TPTE2: variants seen among roughly 807,000 people sequenced by gnomAD.
TPTE2 encodes transmembrane phosphoinositide 3-phosphatase and tensin homolog 2.
In TPTE2, 53 loss-of-function variants were observed where a neutral mutation model predicts 78.6. That is an observed-to-expected ratio of 0.67 (90% CI 0.54 to 0.85). The LOEUF (loss-of-function observed/expected upper bound fraction) is 0.85, where lower values mean the gene tolerates loss of function less well. Ranked by LOEUF, TPTE2 falls within the 40% of genes least tolerant of loss-of-function variation. TPTE2 has a pLI of 0.00. For missense variants in TPTE2, 461 were observed against 623.0 expected (o/e 0.74, Z 2.77); for synonymous variants, 175 against 206.2 (o/e 0.85, Z 1.30).
intron 1 of TPTE2, among the ~76,000 whole-genome samples, chr13:19,498,255 C>G (rs1256224627): frequency 1.3e-5 from 2 of 152,028 alleles, no homozygotes; most frequent in African/African-American, 4.8e-5. Flanking sequence ...CTTCCCCAAT[C>G]TAGCAAGGCA....
In TPTE2 at chr13:19,470,410, A is replaced by G. The variant is rs536461557; in HGVS notation, c.393-3066T>C. Among the ~76,000 whole-genome samples, 12 of 152,242 alleles carry G rather than the reference A, an allele frequency of 7.9e-5. No individual in the cohort carries two copies. The South Asian group carries it at 2.3e-3, about 29-fold the overall frequency. On this transcript the variant is annotated intron_variant, in intron 6 of 19. Coordinates refer to ENST00000400230, the Ensembl canonical transcript of TPTE2. ...TCATGATGAATGATCTTTCCCATAT[A>G]TTGTTGAATTCAGTTTTCCAGTATC...
Position 19,464,138 on chromosome 13 carries a change from G to C in TPTE2, c.741+318C>G, listed in dbSNP as rs537955930. Among the ~76,000 whole-genome samples, 526 of 152,288 alleles carry C rather than the reference G, an allele frequency of 3.5e-3. 3 individuals carry two copies. Among genetic ancestry groups the C allele is most frequent in the South Asian group, 7.3e-3 (35 of 4,822 alleles). ...CCAGTCCTCAGATGACCCAGTAGCT[G>C]CCCACAGATACATGAATGAGCTTAG... On this transcript the variant is annotated intron_variant, in intron 10 of 19. Coordinates refer to ENST00000400230, the Ensembl canonical transcript of TPTE2.
chr13:19,547,720 C>CACACATATATATATATATATATAT, the TPTE2 span, among the ~76,000 whole-genome samples: 1 of 118,848 alleles, frequency 8.4e-6, no homozygotes, highest in African/African-American at 2.7e-5. Context: ...AATAAATATA[C>CACACATATATATATATATATATAT]ATATATATAT....
At chr13:19,553,891 T>C in the TPTE2 span, among the ~76,000 whole-genome samples, 1 of 152,248 alleles carries the variant, frequency 6.6e-6, no homozygotes, top group Non-Finnish European at 1.5e-5. Flanking sequence ...TTGTCAAAAC[T>C]AGTCAAGTTA....
At chr13:19,559,683 C>T in the TPTE2 span, among the ~76,000 whole-genome samples, 83,727 of 144,244 alleles carry the variant, frequency 0.58, 23,369 homozygotes, top group East Asian at 0.88. Context: ...GTGGCCTGCA[C>T]CCCCTTCCCT....
chr13:19,469,616 G>T (rs555064710), intron 6 of TPTE2, among the ~76,000 whole-genome samples: 1 of 152,066 alleles, frequency 6.6e-6, no homozygotes, highest in Non-Finnish European at 1.5e-5. Flanking sequence ...GCTTTGGATA[G>T]TATGGACATT....
chr13:19,450,319 G>A (rs545898462), exon 12 of TPTE2: 1 of 1,611,148 alleles, frequency 6.2e-7, no homozygotes, highest in African/African-American at 1.3e-5. Context: ...TATTATGGAA[G>A]TGCTTAGGAT....
the TPTE2 span, among the ~76,000 whole-genome samples, chr13:19,561,483 C>T: frequency 6.6e-6 from 1 of 152,148 alleles, no homozygotes; most frequent in South Asian, 2.1e-4. Flanking sequence ...GCCCCGACGC[C>T]CGCGGGAGAC....
At chr13:19,426,009 T>C (rs1035544058) in intron 18 of TPTE2, among the ~76,000 whole-genome samples, 3 of 151,706 alleles carry the variant, frequency 2.0e-5, no homozygotes, top group South Asian at 2.1e-4. Flanking sequence ...CAGTTAGCTA[T>C]GATCACGCCA....
At chr13:19,513,976 T>G (rs1169742330) in intron 1 of TPTE2, among the ~76,000 whole-genome samples, 2 of 152,068 alleles carry the variant, frequency 1.3e-5, no homozygotes, top group African/African-American at 2.4e-5. Flanking sequence ...AGGGGCTCCA[T>G]CCAATGTGAT....
At chr13:19,442,731 C>A (rs1877576656) in intron 13 of TPTE2, among the ~76,000 whole-genome samples, 1 of 152,044 alleles carries the variant, frequency 6.6e-6, no homozygotes, top group Non-Finnish European at 1.5e-5. Context: ...AAAAAGGGAA[C>A]ATCTCTGCAG....
At chr13:19,462,152 ATTCCT>A in intron 10 of TPTE2, among the ~76,000 whole-genome samples, 1 of 151,068 alleles carries the variant, frequency 6.6e-6, no homozygotes, top group South Asian at 2.1e-4. Flanking sequence ...ACAAAGTTTG[ATTCCT>A]TTCTCTTTCT....
chr13:19,424,769 C>T (rs1265977270), intron 19 of TPTE2, among the ~76,000 whole-genome samples, 178 bp downstream of exon 22: 1 of 152,124 alleles, frequency 6.6e-6, no homozygotes, highest in Admixed American at 6.5e-5. Context: ...GTCTCAAGAA[C>T]AAATGTATTT....
At chr13:19,507,092 C>G (rs1300933989), upstream of TPTE2, among the ~76,000 whole-genome samples, 1 of 152,068 alleles carries the variant, frequency 6.6e-6, no homozygotes, top group Non-Finnish European at 1.5e-5. Context: ...CATACACACA[C>G]ACAACACCTT....
upstream of TPTE2, among the ~76,000 whole-genome samples, chr13:19,504,813 C>T (rs3002106): frequency 0.97 from 148,006 of 152,108 alleles, 72,151 homozygotes; most frequent in East Asian, 1. Flanking sequence ...AATCTTCATC[C>T]CTCTTTCTGT....
chr13:19,478,471 AC>A (rs762482212), intron 4 of TPTE2, among the ~76,000 whole-genome samples: 5 of 152,228 alleles, frequency 3.3e-5, no homozygotes, highest in Admixed American at 1.3e-4. Flanking sequence ...ATACCATCTC[AC>A]ACCAGTTAGA....
At chr13:19,540,311 G>GTATTT (rs1566083225), upstream of TPTE2, among the ~76,000 whole-genome samples, 1 of 47,254 alleles carries the variant, frequency 2.1e-5, no homozygotes, top group Non-Finnish European at 6.2e-5. Flanking sequence ...TATTATTATG[G>GTATTT]TTTTTTTTAA....
chr13:19,559,362 C>T, the TPTE2 span, among the ~76,000 whole-genome samples: 1 of 152,194 alleles, frequency 6.6e-6, no homozygotes, highest in Admixed American at 6.5e-5. Context: ...CCCTGGCTTG[C>T]CCCATGTCTC....
At chr13:19,425,430 G>A (rs928649621) in intron 18 of TPTE2, among the ~76,000 whole-genome samples, 2 of 152,002 alleles carry the variant, frequency 1.3e-5, no homozygotes, top group African/African-American at 4.8e-5. Context: ...TCTCAGAAGC[G>A]GGGTTCAGTC....
Sources: allele counts gnomAD v4.1 joint callset (sites outside exome capture counted in the v4.1 genomes callset), GRCh38; gene constraint gnomAD v4.1.1; transcripts MANE v1.5; gene names NCBI Gene and HGNC (gene_info 2026-07-23, HGNC 2026-07-21).